Variants in LRFN2 observed in about 807,000 individuals in gnomAD.
LRFN2 encodes leucine rich repeat and fibronectin type III domain containing 2.
In LRFN2, 18 loss-of-function variants were observed where a neutral mutation model predicts 37.3. That is an observed-to-expected ratio of 0.48 (90% CI 0.33 to 0.72). The LOEUF (loss-of-function observed/expected upper bound fraction) is 0.72. Ranked by LOEUF, LRFN2 falls within the 30% of genes least tolerant of loss-of-function variation. The pLI is 0.02. For synonymous variants in LRFN2, 556 were observed against 466.6 expected, an observed-to-expected ratio of 1.19 and a Z score of -2.47; for missense variants, 1,006 against 1,060.7, an observed-to-expected ratio of 0.95 and a Z score of 0.72.
chr6:40,406,694 T>G (rs1762856717), intron 2 of LRFN2, among the ~76,000 whole-genome samples: 1 of 152,194 alleles, frequency 6.6e-6, no homozygotes, highest in African/African-American at 2.4e-5. Context: ...TGCGTCTTCC[T>G]CCCACCAGCC....
At chr6:40,573,729 G>A (rs138427293) in intron 1 of LRFN2, among the ~76,000 whole-genome samples, 2,130 of 152,302 alleles carry the variant, frequency 0.014, 24 homozygotes, top group Non-Finnish European at 0.022. Flanking sequence ...TGTAATCCCA[G>A]CACTTTGGGA....
intron 2 of LRFN2, among the ~76,000 whole-genome samples, chr6:40,431,278 T>C (rs1763472999): frequency 6.6e-6 from 1 of 152,222 alleles, no homozygotes; most frequent in Non-Finnish European, 1.5e-5. Context: ...AATCTCACTC[T>C]TTCTGACCTC....
rs759648999 is a variant in LRFN2 at position 40,431,856 on chromosome 6, T to C, written c.1258A>G (p.Ser420Gly). The part of the protein sequence containing the change: ...GGSGGGEPPK[S>G]PPERAVLVSE... ...ACAAGCACAGCCCGTTCCGGGGGGC[T>C]TTTGGGAGGCTCTCCGCCCCCACTG... The change falls in exon 2 of 3, where the codon AGC (serine) becomes GGC (glycine). Residue 420 changes from serine to glycine, a missense_variant. By Grantham distance (56) the Ser-to-Gly change is moderately conservative. Around this residue, in one of 4 missense-constraint regions of LRFN2, gnomAD observed 303 missense variants for 299.8 expected, o/e 1.01. Transcript: ENST00000338305. The C allele has an allele frequency of 6.3e-7, 1 of 1,589,962 alleles. No individual in the cohort carries two copies. Among genetic ancestry groups the C allele is most frequent in the South Asian group, 1.2e-5 (1 of 86,698 alleles).
At chr6:40,531,618 G>A (rs1475025525) in intron 1 of LRFN2, among the ~76,000 whole-genome samples, 1 of 152,116 alleles carries the variant, frequency 6.6e-6, no homozygotes, top group African/African-American at 2.4e-5. Flanking sequence ...CCCTCCCTCT[G>A]CTAGCAGCAT....
At chr6:40,567,873 C>T (rs188186431) in intron 1 of LRFN2, among the ~76,000 whole-genome samples, 3 of 152,116 alleles carry the variant, frequency 2.0e-5, no homozygotes, top group Admixed American at 2.0e-4. Context: ...AGACTATACC[C>T]CACAGATGAA....
chr6:40,522,304 G>A (rs1023565607), intron 1 of LRFN2, among the ~76,000 whole-genome samples: 1 of 152,208 alleles, frequency 6.6e-6, no homozygotes, highest in Non-Finnish European at 1.5e-5. Context: ...GTGGACAACA[G>A]CAAGGAAGTT....
chr6:40,508,815 G>T (rs1314100406), intron 1 of LRFN2, among the ~76,000 whole-genome samples: 3 of 152,116 alleles, frequency 2.0e-5, no homozygotes, highest in Admixed American at 1.3e-4. Context: ...CGAAGCCTGG[G>T]CTCTCCCCAC....
intron 1 of LRFN2, among the ~76,000 whole-genome samples, chr6:40,476,974 G>A (rs1393747737): frequency 6.6e-6 from 1 of 152,214 alleles, no homozygotes; most frequent in African/African-American, 2.4e-5. Context: ...TAGTTCCCCA[G>A]AGTCTCTTCC....
chr6:40,430,765 A>C (rs1483205928), intron 2 of LRFN2, among the ~76,000 whole-genome samples: 5 of 152,192 alleles, frequency 3.3e-5, no homozygotes, highest in Admixed American at 2.6e-4. Flanking sequence ...ACTAAGGCCC[A>C]GGGGGTTCAG....
chr6:40,580,828 C>T (rs984422628), intron 1 of LRFN2, among the ~76,000 whole-genome samples: 1 of 152,048 alleles, frequency 6.6e-6, no homozygotes, highest in African/African-American at 2.4e-5. Context: ...AACTCATGAA[C>T]GTGTGTACAT....
chr6:40,562,923 A>G (rs1306078916), intron 1 of LRFN2, among the ~76,000 whole-genome samples: 1 of 151,408 alleles, frequency 6.6e-6, no homozygotes, highest in East Asian at 1.9e-4. Flanking sequence ...TGTGGCTCTC[A>G]AGAGGCTGCA....
At chr6:40,413,706 C>T (rs1057009096) in intron 2 of LRFN2, among the ~76,000 whole-genome samples, 3 of 152,172 alleles carry the variant, frequency 2.0e-5, no homozygotes, top group African/African-American at 7.2e-5. Context: ...TTGAAGCAGC[C>T]GAGGCTCCCC....
Position 40,392,519 on chromosome 6 carries a change from G to A in LRFN2, c.1794C>T (p.Gly598=), listed in dbSNP as rs776900032. The change falls in exon 3 of 3, where the codon GGC becomes GGT. Residue 598 remains glycine (G), a synonymous_variant. Transcript: ENST00000338305. This position sits in a 1 kb window ranked among gnomAD's most constrained non-coding sequence, Gnocchi z 4.7. ...CGTTGCGCACCACCACCTTCGGCGGGCCCTGCGGCGGGGCCCCGGCTGGTG... is the reference window on the plus strand; with the variant it reads ...CGTTGCGCACCACCACCTTCGGCGGACCCTGCGGCGGGGCCCCGGCTGGTG... The part of the protein sequence containing the change: ...SSAPAGAPPQ[G]PPKVVVRNEL... 6.3e-7 allele frequency: 1 copy of A among 1,590,068 alleles called. No individual in the cohort carries two copies. Among genetic ancestry groups the A allele is most frequent in the Non-Finnish European group, 8.5e-7 (1 of 1,170,680 alleles).
intron 2 of LRFN2, among the ~76,000 whole-genome samples, chr6:40,415,642 C>T (rs925354428): frequency 2.0e-5 from 3 of 152,300 alleles, no homozygotes; most frequent in African/African-American, 7.2e-5. Flanking sequence ...TTTATCACAG[C>T]TGTAGCTACT....
chr6:40,392,241 T>C lies in LRFN2; in HGVS notation c.2072A>G (p.His691Arg). 6.4e-7 allele frequency: 1 copy of C among 1,573,810 alleles called. No homozygotes were observed. Among genetic ancestry groups the C allele is most frequent in the Non-Finnish European group, 8.6e-7 (1 of 1,162,496 alleles). ...CAGCAGTGGCTCTCGGTCCGAGTGGTGGCCCCGGGCCGACGTCCCAGCCCC... is the reference window on the plus strand; with the variant it reads ...CAGCAGTGGCTCTCGGTCCGAGTGGCGGCCCCGGGCCGACGTCCCAGCCCC... ...GRGAGTSARG[H>R]HSDREPLLGP... Residue 691 changes from histidine (H) to arginine (R), a missense_variant, in exon 3 of 3, where the codon CAC becomes CGC. By Grantham distance (29) the His-to-Arg change is conservative. Coordinates refer to ENST00000338305, the MANE Select transcript of LRFN2 (RefSeq NM_020737.3). The surrounding 1 kb of genome is among the most constrained non-coding windows in gnomAD (Gnocchi z 4.7).
intron 1 of LRFN2, among the ~76,000 whole-genome samples, chr6:40,556,478 C>T (rs151098835): frequency 6.6e-6 from 1 of 152,268 alleles, no homozygotes; most frequent in African/African-American, 2.4e-5. Context: ...GAGAGAGCCC[C>T]AGTGCAGTCA....
intron 1 of LRFN2, among the ~76,000 whole-genome samples, chr6:40,468,999 T>A (rs965056416): frequency 1.3e-5 from 2 of 152,132 alleles, no homozygotes; most frequent in Admixed American, 6.5e-5. Flanking sequence ...AACCTGTGAA[T>A]GTGTCCTTAT....
intron 2 of LRFN2, among the ~76,000 whole-genome samples, chr6:40,404,859 C>T (rs1448790360): frequency 6.6e-6 from 1 of 152,178 alleles, no homozygotes; most frequent in African/African-American, 2.4e-5. Flanking sequence ...ATGACTCTTC[C>T]AGTTCTCCAT....
At chr6:40,507,965 C>A (rs1158135593) in intron 1 of LRFN2, among the ~76,000 whole-genome samples, 5 of 152,112 alleles carry the variant, frequency 3.3e-5, no homozygotes, top group Non-Finnish European at 7.4e-5. Flanking sequence ...AAGGTGGGAG[C>A]CTCTGCCCCA....
Sources: gnomAD v4.1 joint callset for allele counts (sites outside exome capture counted in the v4.1 genomes callset) on GRCh38, gnomAD v4.1.1 for gene constraint, gnomAD v4.1.1 regional missense constraint, Gnocchi (gnomAD v3.1) non-coding constraint, MANE v1.5 for transcripts, NCBI Gene and HGNC (gene_info 2026-07-23, HGNC 2026-07-21) for gene names.